SV2C: variants seen among roughly 807,000 people sequenced by gnomAD.
SV2C encodes synaptic vesicle glycoprotein 2C.
In SV2C, 49 loss-of-function variants were observed where a neutral mutation model predicts 79.7. The observed-to-expected ratio is 0.61, with a 90% CI of 0.49 to 0.78. The LOEUF (loss-of-function observed/expected upper bound fraction) is 0.78, where lower values mean the gene tolerates loss of function less well. Ranked by LOEUF, SV2C falls within the 30% of genes least tolerant of loss-of-function variation. The pLI, the probability that SV2C is intolerant of heterozygous loss-of-function variation, is 0.00. For synonymous variants in SV2C, 334 were observed against 333.2 expected (o/e 1.00, Z -0.03); for missense variants, 833 against 912.9 (o/e 0.91, Z 1.13).
At chr5:76,048,985 A>AAGAAAGAAAGAAAGAAAGAAAG in the SV2C span, among the ~76,000 whole-genome samples, 1 of 91,262 alleles carries the variant, frequency 1.1e-5, no homozygotes. Flanking sequence ...GAAAGAAAGA[A>AAGAAAGAAAGAAAGAAAGAAAG]AGAAAGAAAG....
At chr5:76,316,477 T>G (rs1485677335) in intron 12 of SV2C, among the ~76,000 whole-genome samples, 1 of 152,200 alleles carries the variant, frequency 6.6e-6, no homozygotes, top group Non-Finnish European at 1.5e-5. Context: ...TCCAGGTGAT[T>G]CTGATGCACC....
intron 4 of SV2C, among the ~76,000 whole-genome samples, chr5:76,275,403 C>T (rs1003639428): frequency 6.6e-6 from 1 of 151,386 alleles, no homozygotes; most frequent in African/African-American, 2.4e-5. Flanking sequence ...AGGAGAATGG[C>T]GTGAACCCGG....
the SV2C span, among the ~76,000 whole-genome samples, chr5:76,030,277 T>TA: frequency 7.9e-4 from 85 of 108,280 alleles, 3 homozygotes; most frequent in African/African-American, 3.9e-3. Flanking sequence ...TTTTTTTTTT[T>TA]TTTTTTTTTT....
chr5:76,092,632 A>C lies in SV2C; in HGVS notation c.-102+9120A>C, dbSNP rs144921992. Among the ~76,000 whole-genome samples the C allele has an allele frequency of 5.3e-4, 80 of 152,200 alleles. No individual in the cohort carries two copies. In the East Asian group the frequency reaches 0.015, roughly 29 times the overall value. ...CCAATAGCTGTCAAAAGCCTGTATT[A>C]ATACTTGGAATATTTTGCTTTTAGG... On this transcript the variant is annotated intron_variant, in intron 1 of 12. Coordinates refer to ENST00000502798, the MANE Select transcript of SV2C (RefSeq NM_014979.4).
the SV2C span, among the ~76,000 whole-genome samples, chr5:76,048,936 GGAAA>G: frequency 5.6e-3 from 560 of 99,132 alleles, 24 homozygotes; most frequent in African/African-American, 0.021. Flanking sequence ...AAAGAGAAAA[GGAAA>G]GAAAGAAAGA....
chr5:76,060,720 G>A, the SV2C span, among the ~76,000 whole-genome samples: 1 of 152,072 alleles, frequency 6.6e-6, no homozygotes, highest in Non-Finnish European at 1.5e-5. Context: ...GTTCCCTGGA[G>A]TAGCACTTTT....
chr5:76,288,620 T>C (rs1309862197), intron 6 of SV2C, among the ~76,000 whole-genome samples: 2 of 152,200 alleles, frequency 1.3e-5, no homozygotes, highest in African/African-American at 4.8e-5. Flanking sequence ...TAGGGCCTCA[T>C]TGCCCTACTT....
chr5:75,866,761 TA>T, the SV2C span, among the ~76,000 whole-genome samples: 1,120 of 152,290 alleles, frequency 7.4e-3, 17 homozygotes, highest in African/African-American at 0.025. Flanking sequence ...ATTTATGCCA[TA>T]AGCAGTAAGG....
At chr5:75,871,195 T>C in the SV2C span, among the ~76,000 whole-genome samples, 859 of 152,324 alleles carry the variant, frequency 5.6e-3, 3 homozygotes, top group African/African-American at 0.02. Context: ...ATTCAATGCC[T>C]ATTTCTGGTT....
intron 4 of SV2C, among the ~76,000 whole-genome samples, chr5:76,247,850 A>T (rs1446076545): frequency 2.6e-5 from 4 of 152,208 alleles, no homozygotes; most frequent in Non-Finnish European, 4.4e-5. Flanking sequence ...ACAATATAAG[A>T]TTACATGCAT....
At chr5:76,135,428 G>A (rs1334864716) in intron 2 of SV2C, among the ~76,000 whole-genome samples, 1 of 152,154 alleles carries the variant, frequency 6.6e-6, no homozygotes, top group Non-Finnish European at 1.5e-5. Flanking sequence ...TATGGGGCTG[G>A]TGGTGGAGGA....
chr5:76,315,188 GCACACACACACACACA>G (rs10606819), intron 12 of SV2C, among the ~76,000 whole-genome samples: 2 of 145,096 alleles, frequency 1.4e-5, no homozygotes, highest in Non-Finnish European at 3.0e-5. Flanking sequence ...ATGGCCAGGC[GCACACACACACACACA>G]CACACACACA....
intron 2 of SV2C, among the ~76,000 whole-genome samples, chr5:76,148,894 T>C (rs1561237409): frequency 6.6e-6 from 1 of 152,222 alleles, no homozygotes; most frequent in African/African-American, 2.4e-5. Context: ...GTACATAGAT[T>C]GTTTTAAACG....
intron 1 of SV2C, among the ~76,000 whole-genome samples, chr5:76,105,496 A>G (rs1048124598): frequency 1.3e-5 from 2 of 152,190 alleles, no homozygotes; most frequent in Non-Finnish European, 2.9e-5. Context: ...CCTGCTTCTC[A>G]GAAGTCTGAG....
intron 12 of SV2C, among the ~76,000 whole-genome samples, chr5:76,322,720 C>T (rs1024559096): frequency 3.3e-5 from 5 of 151,970 alleles, no homozygotes; most frequent in South Asian, 2.1e-4. Flanking sequence ...CAGAGACCTC[C>T]GAAATAACAC....
chr5:76,285,689 C>G (rs1580024256), intron 5 of SV2C, 92 bp from the exon 6 acceptor site: 1 of 1,018,002 alleles, frequency 9.8e-7, no homozygotes, highest in East Asian at 2.4e-5. Context: ...AATTACACCT[C>G]ATTTGATCTG....
At chr5:76,313,185 A>G (rs1371926160) in intron 12 of SV2C, among the ~76,000 whole-genome samples, 1 of 152,188 alleles carries the variant, frequency 6.6e-6, no homozygotes, top group African/African-American at 2.4e-5. Flanking sequence ...AATTTCATTC[A>G]TTCTTTCTTG....
At chr5:75,927,478 A>T in the SV2C span, among the ~76,000 whole-genome samples, 1 of 151,820 alleles carries the variant, frequency 6.6e-6, no homozygotes, top group Non-Finnish European at 1.5e-5. Flanking sequence ...TAGAATGGTG[A>T]TTGCTACGGG....
chr5:75,972,890 A>T, the SV2C span, among the ~76,000 whole-genome samples: 15 of 152,024 alleles, frequency 9.9e-5, no homozygotes, highest in East Asian at 2.9e-3. Flanking sequence ...ATGTTTATTG[A>T]GGCCCTATTC....
Sources: allele counts gnomAD v4.1 joint callset (sites outside exome capture counted in the v4.1 genomes callset), GRCh38; gene constraint gnomAD v4.1.1; transcripts MANE v1.5; gene names NCBI Gene and HGNC (gene_info 2026-07-23, HGNC 2026-07-21).